NDUFAF2: variants seen among roughly 807,000 people sequenced by gnomAD.
NDUFAF2 encodes NADH dehydrogenase [ubiquinone] 1 alpha subcomplex assembly factor 2.
A neutral mutation model predicts 22.8 loss-of-function variants in NDUFAF2; 13 were observed. The observed-to-expected ratio is 0.57, with a 90% confidence interval of 0.37 to 0.91. The LOEUF is 0.91. Among genes scored for constraint, NDUFAF2 ranks in the 40% least tolerant of loss-of-function variants. NDUFAF2 has a pLI of 0.01. For missense variants in NDUFAF2, 162 were observed against 195.2 expected, an observed-to-expected ratio of 0.83 and a Z score of 1.01; for synonymous variants, 53 against 64.2, an observed-to-expected ratio of 0.83 and a Z score of 0.84.
chr5:61,134,291 G>A (rs1007647427), intron 3 of NDUFAF2, among the ~76,000 whole-genome samples: 3 of 152,104 alleles, frequency 2.0e-5, no homozygotes, highest in African/African-American at 7.2e-5. Context: ...GGTAGAGGGA[G>A]GGAACAGAGT....
intron 1 of NDUFAF2, among the ~76,000 whole-genome samples, chr5:61,052,998 C>G (rs572121075): frequency 1.3e-5 from 2 of 152,338 alleles, no homozygotes; most frequent in South Asian, 4.1e-4. Flanking sequence ...TAAGTTTTCT[C>G]TAGTGCATTG....
At chr5:61,039,871 T>C (rs1459612066) in intron 1 of NDUFAF2, among the ~76,000 whole-genome samples, 3 of 152,162 alleles carry the variant, frequency 2.0e-5, no homozygotes, top group Admixed American at 6.5e-5. Flanking sequence ...TTTTAATAGT[T>C]TATGAACTAA....
intron 3 of NDUFAF2, among the ~76,000 whole-genome samples, chr5:61,139,535 A>T (rs1741018980): frequency 6.6e-6 from 1 of 152,236 alleles, no homozygotes; most frequent in Non-Finnish European, 1.5e-5. Context: ...ATAAAAAGAT[A>T]TTTGGATATT....
At chr5:61,064,904 CA>C (rs1195877175) in intron 1 of NDUFAF2, among the ~76,000 whole-genome samples, 1 of 149,214 alleles carries the variant, frequency 6.7e-6, no homozygotes, top group Non-Finnish European at 1.5e-5. Context: ...AAATAAGGAA[CA>C]AAAAAAACAT....
rs187671446 is a variant in NDUFAF2, at chr5:60,982,535, G to C, written c.127+37153G>C. On this transcript the variant is annotated intron_variant, in intron 1 of 3. Transcript: ENST00000296597. ...TTTAACATTAGGTATATCTCCTAAT[G>C]CTATCCCTCCCCCCTCCCCCCACCC... Among the ~76,000 whole-genome samples, 215 of 144,368 alleles carry C rather than the reference G, an allele frequency of 1.5e-3. 8 individuals carry two copies. In the East Asian group the frequency reaches 0.043, roughly 29 times the overall value. 94.7% of individuals were successfully genotyped at this position (144,368 alleles called of 152,430 possible).
At chr5:60,948,115 G>A (rs1195148430) in intron 1 of NDUFAF2, among the ~76,000 whole-genome samples, 1 of 152,118 alleles carries the variant, frequency 6.6e-6, no homozygotes, top group African/African-American at 2.4e-5. Context: ...AATTTGTTGT[G>A]CTCCTTTCTA....
chr5:61,141,664 A>AATGAATG (rs1741060941), intron 3 of NDUFAF2, among the ~76,000 whole-genome samples: 8 of 151,172 alleles, frequency 5.3e-5, no homozygotes, highest in Middle Eastern at 3.4e-3. Context: ...AGTATATATT[A>AATGAATG]AATGAATGAA....
chr5:61,042,095 C>CTATTATTT (rs1201390501), intron 1 of NDUFAF2, among the ~76,000 whole-genome samples: 3 of 152,272 alleles, frequency 2.0e-5, no homozygotes, highest in African/African-American at 7.2e-5. Context: ...GGACTTAGAA[C>CTATTATTT]TATTATTTTA....
intron 3 of NDUFAF2, among the ~76,000 whole-genome samples, chr5:61,127,059 A>G (rs1753045841): frequency 6.6e-6 from 1 of 152,192 alleles, no homozygotes; most frequent in African/African-American, 2.4e-5. Context: ...ATGCCTCAAC[A>G]CATACACCCT....
chr5:61,145,548 A>G (rs1038607672), intron 3 of NDUFAF2, among the ~76,000 whole-genome samples: 1 of 152,220 alleles, frequency 6.6e-6, no homozygotes, highest in Non-Finnish European at 1.5e-5. Context: ...ATTTGGGGAT[A>G]CTTAACTGGT....
At chr5:60,999,817 A>G (rs1156467820) in intron 1 of NDUFAF2, among the ~76,000 whole-genome samples, 1 of 152,104 alleles carries the variant, frequency 6.6e-6, no homozygotes, top group Non-Finnish European at 1.5e-5. Context: ...AATGTTTGCT[A>G]TGGAGTCAGA....
intron 3 of NDUFAF2, among the ~76,000 whole-genome samples, chr5:61,140,393 C>T (rs1442819404): frequency 1.3e-5 from 2 of 152,206 alleles, no homozygotes; most frequent in Non-Finnish European, 2.9e-5. Context: ...TCCAGTCTTG[C>T]ACCTCTCCAA....
chr5:61,127,377 A>G (rs1175738845), intron 3 of NDUFAF2, among the ~76,000 whole-genome samples: 1 of 152,194 alleles, frequency 6.6e-6, no homozygotes, highest in Non-Finnish European at 1.5e-5. Context: ...CATTGATGCA[A>G]AAATCCTCAA....
intron 1 of NDUFAF2, among the ~76,000 whole-genome samples, chr5:61,066,433 A>C (rs528080751): frequency 9.2e-5 from 14 of 152,218 alleles, no homozygotes; most frequent in Non-Finnish European, 2.1e-4. Flanking sequence ...ATTTGGAAGC[A>C]ACTTTGATTT....
At chr5:61,052,597 A>G (rs1752038958) in intron 1 of NDUFAF2, among the ~76,000 whole-genome samples, 1 of 152,222 alleles carries the variant, frequency 6.6e-6, no homozygotes, top group Non-Finnish European at 1.5e-5. Flanking sequence ...GGCGTGAACC[A>G]CTGCGACTGG....
intron 1 of NDUFAF2, among the ~76,000 whole-genome samples, chr5:60,953,752 G>A (rs1750578983): frequency 6.6e-6 from 1 of 152,128 alleles, no homozygotes; most frequent in South Asian, 2.1e-4. Context: ...TATGCATAAT[G>A]TAGGCTTTGG....
intron 1 of NDUFAF2, among the ~76,000 whole-genome samples, chr5:60,983,111 ATCTCAT>A (rs1419291337): frequency 6.6e-6 from 1 of 151,124 alleles, no homozygotes; most frequent in Admixed American, 6.6e-5. Context: ...GTGAGATGGT[ATCTCAT>A]TGTGGTTTTG....
chr5:61,129,503 G>A (rs1197360276), intron 3 of NDUFAF2, among the ~76,000 whole-genome samples: 2 of 152,080 alleles, frequency 1.3e-5, no homozygotes, highest in African/African-American at 4.8e-5. Context: ...GGACATGGAT[G>A]AAACTGGAAG....
intron 3 of NDUFAF2, among the ~76,000 whole-genome samples, chr5:61,142,433 T>A (rs1337455052): frequency 6.6e-6 from 1 of 152,050 alleles, no homozygotes; most frequent in East Asian, 1.9e-4. Context: ...CATACAATTG[T>A]CCCCTCAAAT....
Sources: gnomAD v4.1 joint callset for allele counts (sites outside exome capture counted in the v4.1 genomes callset) on GRCh38, gnomAD v4.1.1 for gene constraint, MANE v1.5 for transcripts, NCBI Gene and HGNC (gene_info 2026-07-23, HGNC 2026-07-21) for gene names.